Variants in PTGER3 observed in about 807,000 individuals in gnomAD.
PTGER3 encodes the protein prostaglandin E2 receptor EP3 subtype.
Under a neutral mutation model 34.7 loss-of-function variants are expected in PTGER3, and 22 were observed. The ratio of observed to expected loss-of-function variants is 0.63; its 90% CI spans 0.45 to 0.91. The LOEUF (loss-of-function observed/expected upper bound fraction) is 0.91. PTGER3 is among the 40% of genes least tolerant of loss of function. The pLI is 0.00. For synonymous variants in PTGER3, 241 were observed against 230.1 expected (o/e 1.05, Z -0.43); for missense variants, 468 against 519.4 (o/e 0.90, Z 0.96).
In PTGER3 at chr1:71,039,664, A is replaced by AAG. The variant is rs1553180214; in HGVS notation, c.897+7016_897+7017insCT. 2.5e-3 allele frequency among the ~76,000 whole-genome samples: 364 copies of AAG among 145,372 alleles called. 1 individual carries two copies. Among genetic ancestry groups the AAG allele is most frequent in the East Asian group, 3.7e-3 (18 of 4,844 alleles). On this transcript the variant is annotated intron_variant, in intron 1 of 3. Transcript: ENST00000306666. ...GACTCTGTCTCAAAAAAAAAAAAAA[A>AAG]AAAAAAGAAAAAAAGAAAGAAAAAT...
chr1:70,953,254 C>A (rs1650958917), intron 3 of PTGER3, among the ~76,000 whole-genome samples: 1 of 151,986 alleles, frequency 6.6e-6, no homozygotes. Context: ...GCAAATACTA[C>A]TCTAATTTAT....
chr1:71,021,520 T>A lies in PTGER3; in HGVS notation c.898-9036A>T, dbSNP rs114774129. ...TGACACACAAGTTAGAAGAGTTATCTTTACTATATTTCAAACACCTATATT... is the reference window on the plus strand; with the variant it reads ...TGACACACAAGTTAGAAGAGTTATCATTACTATATTTCAAACACCTATATT... On this transcript the variant is annotated intron_variant, in intron 1 of 3. Coordinates refer to ENST00000306666, the MANE Select transcript of PTGER3 (RefSeq NM_198719.2). 2.4e-3 allele frequency among the ~76,000 whole-genome samples: 361 copies of A among 152,124 alleles called. 13 individuals carry two copies. Among genetic ancestry groups the A allele is most frequent in the African/African-American group, 8.4e-3 (349 of 41,428 alleles).
At chr1:70,946,063 A>G (rs1650199888) in intron 4 of PTGER3, among the ~76,000 whole-genome samples, 3 of 152,208 alleles carry the variant, frequency 2.0e-5, no homozygotes, top group Middle Eastern at 6.8e-3. Context: ...AGGATGAGAG[A>G]GAAAATAAGA....
intron 1 of PTGER3, among the ~76,000 whole-genome samples, chr1:71,015,413 C>T (rs1557742713): frequency 6.6e-6 from 1 of 152,150 alleles, no homozygotes. Context: ...AACAAAGTAT[C>T]GACATATCTG....
chr1:71,038,877 AGAT>A (rs1156799931), intron 1 of PTGER3, among the ~76,000 whole-genome samples: 1 of 152,228 alleles, frequency 6.6e-6, no homozygotes, highest in Non-Finnish European at 1.5e-5. Context: ...GCCTGTGAAA[AGAT>A]GAAGACAACT....
intron 4 of PTGER3, among the ~76,000 whole-genome samples, chr1:70,925,365 T>G (rs1647961880): frequency 6.6e-6 from 1 of 152,196 alleles, no homozygotes; most frequent in Non-Finnish European, 1.5e-5. Context: ...TATGTGTCAC[T>G]ACTAATATCT....
At chr1:70,957,334 C>T (rs1008308523) in intron 2 of PTGER3, among the ~76,000 whole-genome samples, 1 of 152,138 alleles carries the variant, frequency 6.6e-6, no homozygotes, top group African/African-American at 2.4e-5. Flanking sequence ...GAGTTGATAA[C>T]GTAACTGCAG....
intron 4 of PTGER3, among the ~76,000 whole-genome samples, chr1:70,889,002 G>A (rs933254155): frequency 6.6e-6 from 1 of 152,140 alleles, no homozygotes; most frequent in African/African-American, 2.4e-5. Context: ...AAGAACAGCT[G>A]AATTTATGTG....
chr1:70,958,207 A>G (rs1453066951), intron 2 of PTGER3, among the ~76,000 whole-genome samples: 2 of 152,182 alleles, frequency 1.3e-5, no homozygotes, highest in African/African-American at 4.8e-5. Context: ...TTTCTTTGAT[A>G]TATGCCCAGT....
chr1:70,906,953 G>T (rs199786702), intron 4 of PTGER3, among the ~76,000 whole-genome samples: 155 of 152,188 alleles, frequency 1.0e-3, no homozygotes, highest in African/African-American at 3.6e-3. Context: ...GGTTCCCAGG[G>T]GTTGCATAAT....
At chr1:70,982,458 T>C (rs1357515507) in intron 2 of PTGER3, among the ~76,000 whole-genome samples, 1 of 152,130 alleles carries the variant, frequency 6.6e-6, no homozygotes, top group Non-Finnish European at 1.5e-5. Flanking sequence ...CAGCATCTAG[T>C]GTATGCCACC....
chr1:70,994,093 C>T (rs1365526076), intron 2 of PTGER3, among the ~76,000 whole-genome samples: 1 of 152,196 alleles, frequency 6.6e-6, no homozygotes, highest in Non-Finnish European at 1.5e-5. Flanking sequence ...TTCCTGCCAA[C>T]CACAGCTACC....
At chr1:71,045,084 G>GT (rs1181900517) in intron 1 of PTGER3, among the ~76,000 whole-genome samples, 1 of 152,142 alleles carries the variant, frequency 6.6e-6, no homozygotes, top group African/African-American at 2.4e-5. Flanking sequence ...ATCAGCCTGA[G>GT]TTCCAACTCC....
chr1:70,857,472 T>C (rs866855537), intron 4 of PTGER3, among the ~76,000 whole-genome samples: 3 of 152,110 alleles, frequency 2.0e-5, no homozygotes, highest in Admixed American at 6.5e-5. Flanking sequence ...TTTTTGTTCT[T>C]AGTTTTCTTT....
chr1:70,885,898 GA>G lies in PTGER3; in HGVS notation c.*24-33040del, dbSNP rs1220221607. Among the ~76,000 whole-genome samples, 5 of 152,290 alleles carry G rather than the reference GA, an allele frequency of 3.3e-5. No individual in the cohort carries two copies. The South Asian group carries it at 1.0e-3, about 32-fold the overall frequency. ...AGCTTTCAAAGGGGATATTCTTGCT[GA>G]ACCTGATAGAAAAAATAATACTGTC... On this transcript the variant is annotated intron_variant, in intron 4 of 4. Coordinates refer to the PTGER3 transcript ENST00000370931.
intron 4 of PTGER3, among the ~76,000 whole-genome samples, chr1:70,928,011 G>A (rs748303238): frequency 5.9e-5 from 9 of 151,720 alleles, no homozygotes; most frequent in Non-Finnish European, 1.3e-4. Flanking sequence ...CACAAATACT[G>A]AGCAACGTTT....
At chr1:70,981,216 A>C (rs1654222924) in intron 2 of PTGER3, among the ~76,000 whole-genome samples, 1 of 150,530 alleles carries the variant, frequency 6.6e-6, no homozygotes, top group Non-Finnish European at 1.5e-5. Flanking sequence ...CAGCCTACAC[A>C]CTCCAAGCCA....
At chr1:70,905,610 TA>T (rs1261076497) in intron 4 of PTGER3, among the ~76,000 whole-genome samples, 1 of 152,168 alleles carries the variant, frequency 6.6e-6, no homozygotes, top group African/African-American at 2.4e-5. Flanking sequence ...ATGGGGCCTG[TA>T]ACCTCTTTGT....
chr1:70,934,137 C>A (rs1317118220), intron 4 of PTGER3, among the ~76,000 whole-genome samples: 1 of 152,104 alleles, frequency 6.6e-6, no homozygotes, highest in Admixed American at 6.6e-5. Context: ...ATTATCTTGA[C>A]AATATTGTAA....
Sources: gnomAD v4.1 joint callset for allele counts (sites outside exome capture counted in the v4.1 genomes callset) on GRCh38, gnomAD v4.1.1 for gene constraint, MANE v1.5 for transcripts, NCBI Gene and HGNC (gene_info 2026-07-23, HGNC 2026-07-21) for gene names.